RAB27A: variants seen among roughly 807,000 people sequenced by gnomAD.
RAB27A encodes the protein RAB27A, member RAS oncogene family, also known as ras-related protein Rab-27A.
In RAB27A, 17 loss-of-function variants were observed where a neutral mutation model predicts 20.8. That is an observed-to-expected ratio of 0.82 (90% confidence interval 0.56 to 1.23). The LOEUF (loss-of-function observed/expected upper bound fraction) is 1.23, where lower values mean the gene tolerates loss of function less well. Among genes scored for constraint, RAB27A ranks in the 50% most tolerant of loss-of-function variants. The pLI, the probability that RAB27A is intolerant of heterozygous loss-of-function variation, is 0.00. For synonymous variants in RAB27A, 85 were observed against 92.8 expected (o/e 0.92, Z 0.48); for missense variants, 277 against 266.7 (o/e 1.04, Z -0.27).
In RAB27A at chr15:55,241,600, T is replaced by TTATATATA. The variant is rs58693379; in HGVS notation, c.-22-6652_-22-6645dup. 2.3e-3 allele frequency among the ~76,000 whole-genome samples: 286 copies of TTATATATA among 123,864 alleles called. 9 individuals are homozygous for TTATATATA. The highest frequency in any genetic ancestry group is 9.9e-3 in the African/African-American group (231 of 23,438). 81.3% of individuals were successfully genotyped at this position (123,864 alleles called of 152,430 possible). A position where few individuals can be genotyped will look rare whatever the true frequency, so the allele number is the denominator to read the frequency against. ...AGCCCAGGCAACTAGCAAGACCTAT[T>TTATATATA]TATATATATATATATATATATATAT... On this transcript the variant is annotated intron_variant, in intron 2 of 6. Transcript: ENST00000336787.
chr15:55,206,264 A>T (rs1894645819), intron 6 of RAB27A: 1 of 709,866 alleles, frequency 1.4e-6, no homozygotes, highest in Non-Finnish European at 1.7e-6. Flanking sequence ...GGCAATACAT[A>T]CTGATTTACT....
chr15:55,211,022 TCCTTTC>T (rs1411150260), intron 6 of RAB27A, among the ~76,000 whole-genome samples: 1 of 152,236 alleles, frequency 6.6e-6, no homozygotes, highest in Non-Finnish European at 1.5e-5. Context: ...GAAGAGAATG[TCCTTTC>T]CCCTCTGTTC....
At chr15:55,303,294 TC>T (rs1423165300) in intron 2 of RAB27A, among the ~76,000 whole-genome samples, 1 of 106,454 alleles carries the variant, frequency 9.4e-6, no homozygotes, top group Non-Finnish European at 1.9e-5. Context: ...AGCCGCCCCG[TC>T]CGGGAGGGAG....
At chr15:55,315,999 C>T (rs1304317619) in intron 1 of RAB27A, among the ~76,000 whole-genome samples, 1 of 152,044 alleles carries the variant, frequency 6.6e-6, no homozygotes, top group Non-Finnish European at 1.5e-5. Context: ...TTTGGGAGGC[C>T]GAAGCAGGTG....
At chr15:55,234,389 A>G (rs1250643732) in intron 3 of RAB27A, among the ~76,000 whole-genome samples, 2 of 152,170 alleles carry the variant, frequency 1.3e-5, no homozygotes, top group Non-Finnish European at 2.9e-5. Flanking sequence ...CTGAGACTTT[A>G]TTAGGAGAAA....
At chr15:55,225,294 GC>G (rs1449114292) in intron 5 of RAB27A, among the ~76,000 whole-genome samples, 1 of 152,182 alleles carries the variant, frequency 6.6e-6, no homozygotes, top group Non-Finnish European at 1.5e-5. Flanking sequence ...TCCTGGCTCT[GC>G]CATTTACTAG....
chr15:55,262,339 A>G (rs1897299274), intron 2 of RAB27A, among the ~76,000 whole-genome samples: 1 of 152,060 alleles, frequency 6.6e-6, no homozygotes, highest in Non-Finnish European at 1.5e-5. Flanking sequence ...CAGGAGATCC[A>G]GACCATCCTG....
rs1156547754 is a variant in RAB27A at position 55,316,310 on chromosome 15, A to T, written c.-233-2150T>A. Among the ~76,000 whole-genome samples, 3 of 151,766 alleles carry T rather than the reference A, an allele frequency of 2.0e-5. No individual in the cohort carries two copies. The East Asian group carries it at 5.8e-4, about 29-fold the overall frequency. On this transcript the variant is annotated intron_variant, in intron 1 of 5. Coordinates refer to the RAB27A transcript ENST00000563262. Reference sequence around the variant, plus strand: ...AGCTGGAAACCATCATTCTCAGCAAACTAACTAACACAGGAACAGAAAACC... The same window carrying T: ...AGCTGGAAACCATCATTCTCAGCAATCTAACTAACACAGGAACAGAAAACC...
At chr15:55,261,614 G>A (rs2141068954) in intron 2 of RAB27A, among the ~76,000 whole-genome samples, 1 of 141,446 alleles carries the variant, frequency 7.1e-6, no homozygotes, top group South Asian at 2.2e-4. Context: ...GGGGGCGTGT[G>A]CCCGTAGTCC....
chr15:55,250,886 A>T (rs1464216627), intron 2 of RAB27A, among the ~76,000 whole-genome samples: 1 of 152,212 alleles, frequency 6.6e-6, no homozygotes, highest in Non-Finnish European at 1.5e-5. Flanking sequence ...TGTTTCTTCA[A>T]ATAAAATCTT....
chr15:55,227,263 C>T (rs1270802308), intron 5 of RAB27A, among the ~76,000 whole-genome samples: 1 of 152,132 alleles, frequency 6.6e-6, no homozygotes, highest in African/African-American at 2.4e-5. Flanking sequence ...CTATGAAAAA[C>T]AGGTGCGTTA....
At chr15:55,272,271 C>T (rs548387185) in intron 1 of RAB27A, among the ~76,000 whole-genome samples, 218 of 152,222 alleles carry the variant, frequency 1.4e-3, no homozygotes, top group Non-Finnish European at 2.4e-3. Flanking sequence ...TGGTGGCGGG[C>T]GCCTGTAGTC....
chr15:55,214,232 C>A (rs8040841), intron 6 of RAB27A, among the ~76,000 whole-genome samples: 16,966 of 152,152 alleles, frequency 0.11, 1,328 homozygotes, highest in African/African-American at 0.22. Flanking sequence ...GTCGGGAGAT[C>A]GAGACCATCC....
intron 2 of RAB27A, among the ~76,000 whole-genome samples, chr15:55,253,629 C>T (rs1028345622): frequency 3.9e-5 from 6 of 152,024 alleles, no homozygotes; most frequent in African/African-American, 1.4e-4. Flanking sequence ...AACAAAGCTC[C>T]TATTTTCTTA....
chr15:55,207,605 T>A (rs1445951900), intron 6 of RAB27A, among the ~76,000 whole-genome samples: 1 of 152,246 alleles, frequency 6.6e-6, no homozygotes, highest in African/African-American at 2.4e-5. Flanking sequence ...GTACAATAAC[T>A]ACTAGCCACA....
At chr15:55,295,022 C>T (rs2054942664) in intron 2 of RAB27A, among the ~76,000 whole-genome samples, 1 of 151,966 alleles carries the variant, frequency 6.6e-6, no homozygotes, top group African/African-American at 2.4e-5. Flanking sequence ...AAAAAGTGGG[C>T]ATATGAATAC....
chr15:55,245,043 G>A (rs935491941), intron 2 of RAB27A, among the ~76,000 whole-genome samples: 7 of 152,310 alleles, frequency 4.6e-5, no homozygotes, highest in South Asian at 2.1e-4. Context: ...ATGGCATGAG[G>A]CAGGCTAGAA....
At chr15:55,290,476 C>T (rs1330938426), upstream of RAB27A, 2 of 152,260 alleles carry the variant, frequency 1.3e-5, no homozygotes, top group African/African-American at 4.8e-5. Context: ...AAATGGCAAA[C>T]GGAGTCTCTG....
chr15:55,318,853 G>C (rs1438606297), intron 1 of RAB27A: 1 of 168,668 alleles, frequency 5.9e-6, no homozygotes, highest in East Asian at 1.7e-4. Context: ...TTTTTTGTGA[G>C]AGCAACGAAC....
Sources: gnomAD v4.1 joint callset for allele counts (sites outside exome capture counted in the v4.1 genomes callset) on GRCh38, gnomAD v4.1.1 for gene constraint, MANE v1.5 for transcripts, NCBI Gene and HGNC (gene_info 2026-07-23, HGNC 2026-07-21) for gene names.